Variants in NPIPB11 observed in about 807,000 individuals in gnomAD.
The protein encoded by NPIPB11 is nuclear pore complex interacting protein family member B11, also known as nuclear pore complex-interacting protein family member B11.
In NPIPB11, 17 loss-of-function variants were observed where a neutral mutation model predicts 32.8. That is an observed-to-expected ratio of 0.52 (90% CI 0.35 to 0.78). The LOEUF (loss-of-function observed/expected upper bound fraction) is 0.78, where lower values mean the gene tolerates loss of function less well. NPIPB11 is among the 30% of genes least tolerant of loss of function. The pLI, the probability that NPIPB11 is intolerant of heterozygous loss-of-function variation, is 0.01. For synonymous variants in NPIPB11, 209 were observed against 398.4 expected (o/e 0.52, Z 5.66); for missense variants, 537 against 1,000.4 (o/e 0.54, Z 6.25).
exon 4 of NPIPB11, chr16:29,390,339 G>A: frequency 9.6e-7 from 1 of 1,045,856 alleles, no homozygotes; most frequent in Non-Finnish European, 1.5e-6. Context: ...ATAGTCTTCA[G>A]GAGAGACACC....
At chr16:29,397,519 C>G (rs1471898147) in intron 2 of NPIPB11, 1 of 1,495,052 alleles carries the variant, frequency 6.7e-7, no homozygotes, top group Admixed American at 2.0e-5. Flanking sequence ...TGCCGCGTGA[C>G]ACAGCCCAGT....
chr16:29,393,234 A>G (rs1169587443), intron 3 of NPIPB11, among the ~76,000 whole-genome samples: 4 of 151,456 alleles, frequency 2.6e-5, no homozygotes, highest in Non-Finnish European at 5.9e-5. Flanking sequence ...GGGCAGTTCT[A>G]AGAGTCTCTG....
chr16:29,390,411 C>A lies in NPIPB11; in HGVS notation c.250-63G>T, dbSNP rs933093624. 12 of 1,595,024 alleles carry A rather than the reference C, an allele frequency of 7.5e-6. No individual in the cohort carries two copies. The African/African-American group carries it at 9.4e-5, about 12-fold the overall frequency. ...GTGGCTCATGCGTATAATCCCAGTA[C>A]TTCGGGAAGCTGAGGCAGGTGGATC... On this transcript the variant is annotated intron_variant, in intron 3 of 7. Transcript: ENST00000524087.
intron 3 of NPIPB11, among the ~76,000 whole-genome samples, chr16:29,392,081 A>T (rs1016713623): frequency 6.7e-6 from 1 of 149,290 alleles, no homozygotes; most frequent in Non-Finnish European, 1.5e-5. Flanking sequence ...CACATAGGAT[A>T]AAAAAAAAAT....
At chr16:29,401,966 C>A (rs1417111637) in intron 2 of NPIPB11, among the ~76,000 whole-genome samples, 1 of 151,170 alleles carries the variant, frequency 6.6e-6, no homozygotes, top group Non-Finnish European at 1.5e-5. Flanking sequence ...AGCAGGCATG[C>A]ACCATCTACC....
chr16:29,404,641 T>G (rs1048191564), upstream of NPIPB11, among the ~76,000 whole-genome samples: 25 of 150,966 alleles, frequency 1.7e-4, no homozygotes, highest in Admixed American at 5.3e-4. Flanking sequence ...GGTCCAAGAC[T>G]GGGTAGTTCC....
At chr16:29,384,062 G>A in exon 8 of NPIPB11, 2 of 1,201,174 alleles carry the variant, frequency 1.7e-6, no homozygotes, top group Non-Finnish European at 2.3e-6. Flanking sequence ...GAAGGGGAGT[G>A]AGCAGACACT....
At chr16:29,394,795 G>C (rs1368804496) in intron 2 of NPIPB11, among the ~76,000 whole-genome samples, 1 of 151,558 alleles carries the variant, frequency 6.6e-6, no homozygotes, top group African/African-American at 2.4e-5. Context: ...ACCCAGGCTG[G>C]AGTGCAGTGG....
rs964176492 is a variant in NPIPB11, at chr16:29,397,560, C to A, written c.121-3484G>T. ...GGAAGAAACCCCGAGGGTCCAGCGT[C>A]TACTCACACGGATGCACTGATGGCT... On this transcript the variant is annotated intron_variant, in intron 2 of 7. Coordinates refer to ENST00000524087, the Ensembl canonical transcript of NPIPB11. 13 of 1,528,628 alleles carry A rather than the reference C, an allele frequency of 8.5e-6. No individual in the cohort carries two copies. The African/African-American group carries it at 1.4e-4, about 16-fold the overall frequency. The allele number at this position is 1,528,628 out of a possible 1,614,324, so 94.7% of individuals were successfully genotyped here.
exon 8 of NPIPB11, chr16:29,381,484 G>C (rs1963485229): frequency 1.6e-6 from 2 of 1,268,048 alleles, no homozygotes; most frequent in Non-Finnish European, 2.2e-6. Flanking sequence ...GGTGATGATG[G>C]TTCCACGTCA....
exon 8 of NPIPB11, chr16:29,382,167 G>A (rs1963507974): frequency 3.9e-6 from 2 of 515,284 alleles, no homozygotes; most frequent in Non-Finnish European, 6.4e-6. Flanking sequence ...CTCGGCAGGT[G>A]TCTTGATATT....
At position 29,382,102 on chromosome 16, in the gene NPIPB11, T is replaced by A; in HGVS notation, c.2830A>T (p.Lys944Ter). ...GGTGGAAGGGGAGTGAGCTGACGTT[T>A]GGAAGGTGTCTTGAGATTATCATCG... Residue 944 changes from lysine to a stop codon, truncating the protein, a stop_gained, in exon 8 of 8, where the codon AAA becomes TAA. Coordinates refer to ENST00000524087, the Ensembl canonical transcript of NPIPB11. LOFTEE classifies it high-confidence loss of function. The A allele has an allele frequency of 1.3e-5, 5 of 370,496 alleles. No individual in the cohort carries two copies. The highest frequency in any genetic ancestry group is 5.9e-5 in the East Asian group (1 of 16,962). 23.0% of individuals were successfully genotyped at this position (370,496 alleles called of 1,614,324 possible).
rs778822160 is a variant in NPIPB11, at chr16:29,383,240, C to T, written c.1692G>A (p.Gln564=). The T allele has an allele frequency of 9.6e-6, 15 of 1,561,394 alleles. No homozygotes were observed. In the South Asian group the frequency reaches 1.6e-4, roughly 17 times the overall value. The change falls in exon 8 of 8, where the codon CAG becomes CAA. Residue 564 remains glutamine (Q), a synonymous_variant. Coordinates refer to ENST00000524087, the Ensembl canonical transcript of NPIPB11. Reference sequence around the variant, plus strand: ...GAGCTGAGGGTGGAAGGGGAGTGAGCTGACGCTCGGAAGGTGTCTTGAGAT... The same window carrying T: ...GAGCTGAGGGTGGAAGGGGAGTGAGTTGACGCTCGGAAGGTGTCTTGAGAT...
chr16:29,401,116 C>A (rs112652568), intron 2 of NPIPB11, among the ~76,000 whole-genome samples: 5 of 152,160 alleles, frequency 3.3e-5, no homozygotes, highest in South Asian at 2.1e-4. Context: ...AATACATGCA[C>A]GACACGGGGG....
At chr16:29,400,817 C>A (rs1484372445) in intron 2 of NPIPB11, among the ~76,000 whole-genome samples, 1 of 152,074 alleles carries the variant, frequency 6.6e-6, no homozygotes, top group African/African-American at 2.4e-5. Context: ...CAGGCAGGCA[C>A]AGAGGCAGTG....
At chr16:29,403,146 C>T (rs1378085136) in intron 2 of NPIPB11, among the ~76,000 whole-genome samples, 51 of 140,684 alleles carry the variant, frequency 3.6e-4, no homozygotes, top group African/African-American at 9.7e-4. Context: ...GGCGTGATCT[C>T]GGCCCACTAA....
At chr16:29,389,368 A>T (rs1279318809) in intron 5 of NPIPB11, among the ~76,000 whole-genome samples, 4 of 20,588 alleles carry the variant, frequency 1.9e-4, no homozygotes, top group African/African-American at 6.4e-4. Context: ...TCTCAAAATT[A>T]AAAAAAAAAA....
chr16:29,393,984 A>C lies in NPIPB11; in HGVS notation c.213T>G (p.Tyr71Ter), dbSNP rs1456926376. Residue 71 changes from tyrosine (Y) to a stop codon, truncating the protein, a stop_gained, in exon 3 of 8, where the codon TAT becomes TAG. Coordinates refer to ENST00000524087, the Ensembl canonical transcript of NPIPB11. LOFTEE classifies it high-confidence loss of function. Reference sequence around the variant, plus strand: ...CTATCCAGAGGGTAATGACAACTTTATAACTTGTCGGAAACGCAATAATAA... The same window carrying C: ...CTATCCAGAGGGTAATGACAACTTTCTAACTTGTCGGAAACGCAATAATAA... 1.3e-6 allele frequency: 2 copies of C among 1,599,478 alleles called. No individual in the cohort carries two copies. Among genetic ancestry groups the C allele is most frequent in the East Asian group, 4.5e-5 (2 of 44,858 alleles).
intron 2 of NPIPB11, among the ~76,000 whole-genome samples, chr16:29,402,071 G>A (rs1964005091): frequency 6.6e-6 from 1 of 151,358 alleles, no homozygotes; most frequent in Non-Finnish European, 1.5e-5. Context: ...CTTATTGACT[G>A]TAACCTCAGG....
Sources: gnomAD v4.1 joint callset for allele counts (sites outside exome capture counted in the v4.1 genomes callset) on GRCh38, gnomAD v4.1.1 for gene constraint, MANE v1.5 for transcripts, NCBI Gene and HGNC (gene_info 2026-07-23, HGNC 2026-07-21) for gene names.